The following GABBR2 variants were observed in gnomAD, a reference collection of about 807,000 sequenced individuals.
GABBR2 encodes gamma-aminobutyric acid type B receptor subunit 2, also known as G-protein coupled receptor 51.
In GABBR2, 23 loss-of-function variants were observed where a neutral mutation model predicts 105.6. The observed-to-expected ratio is 0.22, with a 90% confidence interval of 0.16 to 0.31. GABBR2 has a LOEUF of 0.31. GABBR2 is among the 10% of genes least tolerant of loss of function. The pLI is 1.00. For synonymous variants in GABBR2, 478 were observed against 499.7 expected, an observed-to-expected ratio of 0.96 and a Z score of 0.58; for missense variants, 734 against 1,245.5, an observed-to-expected ratio of 0.59 and a Z score of 6.18.
At chr9:98,316,637 C>T (rs904115238) in intron 13 of GABBR2, among the ~76,000 whole-genome samples, 16 of 152,148 alleles carry the variant, frequency 1.1e-4, no homozygotes, top group African/African-American at 3.9e-4. Flanking sequence ...TCCAGTAAGA[C>T]CAGGACAGTT....
At chr9:98,339,319 G>C (rs1177292480) in intron 13 of GABBR2, among the ~76,000 whole-genome samples, 2 of 149,244 alleles carry the variant, frequency 1.3e-5, no homozygotes, top group Admixed American at 1.3e-4. Context: ...AAAAGAAAAA[G>C]ATCCCTCTGT....
At chr9:98,628,741 T>C (rs946769542) in intron 1 of GABBR2, among the ~76,000 whole-genome samples, 1 of 152,168 alleles carries the variant, frequency 6.6e-6, no homozygotes, top group African/African-American at 2.4e-5. Context: ...ATTCTCGAGA[T>C]GTTTTTCCCT....
At chr9:98,395,625 T>C (rs1416643447) in intron 8 of GABBR2, among the ~76,000 whole-genome samples, 1 of 151,954 alleles carries the variant, frequency 6.6e-6, no homozygotes, top group Admixed American at 6.6e-5. Flanking sequence ...GTGGGCATCT[T>C]AGAAGCCAAG....
chr9:98,648,116 T>TGTTTGTATAGATAGATAG, intron 1 of GABBR2, among the ~76,000 whole-genome samples: 2 of 55,948 alleles, frequency 3.6e-5, no homozygotes, highest in Non-Finnish European at 6.8e-5. Context: ...TGTGTGTGTG[T>TGTTTGTATAGATAGATAG]ATAGATAGAT....
intron 7 of GABBR2, among the ~76,000 whole-genome samples, chr9:98,421,903 T>C (rs117652237): frequency 0.016 from 2,507 of 152,292 alleles, 28 homozygotes; most frequent in Non-Finnish European, 0.027. Context: ...GGAATATCTT[T>C]GAAACCCAGA....
rs561490326 is a variant in GABBR2 at position 98,333,179 on chromosome 9, T to C, written c.1894-21974A>G. Among the ~76,000 whole-genome samples the C allele has an allele frequency of 3.9e-5, 6 of 152,226 alleles. No individual in the cohort carries two copies. In the East Asian group the frequency reaches 1.2e-3, roughly 29 times the overall value. On this transcript the variant is annotated intron_variant, in intron 13 of 18. Transcript: ENST00000259455. ...TGCTCTGTATGAGGGCTAACCTTCATCAAGTGCTCTCCAGGTGCTGGGTGT... is the reference window on the plus strand; with the variant it reads ...TGCTCTGTATGAGGGCTAACCTTCACCAAGTGCTCTCCAGGTGCTGGGTGT...
At position 98,471,484 on chromosome 9, in the gene GABBR2, A is replaced by G. The variant is rs1027748309; in HGVS notation, c.999+1662T>C. ...AACATTTCCTCCCAAATACACTACA[A>G]AAAATGATCTTCCTACAATGCACTC... On this transcript the variant is annotated intron_variant, in intron 6 of 18. Coordinates refer to ENST00000259455, the MANE Select transcript of GABBR2 (RefSeq NM_005458.8). Among the ~76,000 whole-genome samples, 6 of 152,380 alleles carry G rather than the reference A, an allele frequency of 3.9e-5. No individual in the cohort carries two copies. The East Asian group carries it at 1.2e-3, about 29-fold the overall frequency.
chr9:98,457,939 A>C (rs1263886013), intron 6 of GABBR2, among the ~76,000 whole-genome samples: 1 of 152,238 alleles, frequency 6.6e-6, no homozygotes, highest in African/African-American at 2.4e-5. Context: ...TCCGAGGTCA[A>C]GTTTATCGTG....
intron 3 of GABBR2, among the ~76,000 whole-genome samples, chr9:98,508,117 T>C (rs1046248597): frequency 2.0e-5 from 3 of 152,180 alleles, no homozygotes; most frequent in African/African-American, 7.2e-5. Context: ...ACACTGGGTA[T>C]TAATAAAACA....
intron 7 of GABBR2, among the ~76,000 whole-genome samples, chr9:98,406,880 C>T (rs1006550277): frequency 3.3e-5 from 5 of 152,154 alleles, no homozygotes; most frequent in Non-Finnish European, 7.3e-5. Context: ...CGATTTATGG[C>T]CCACCTAAAA....
intron 1 of GABBR2, among the ~76,000 whole-genome samples, chr9:98,639,729 C>A (rs1320855656): frequency 6.6e-6 from 1 of 152,140 alleles, no homozygotes; most frequent in African/African-American, 2.4e-5. Flanking sequence ...TCCCAGAGAT[C>A]CAGCTGCTGG....
intron 7 of GABBR2, among the ~76,000 whole-genome samples, chr9:98,422,738 T>C (rs1392251103): frequency 6.6e-6 from 1 of 151,528 alleles, no homozygotes; most frequent in East Asian, 1.9e-4. Context: ...ATTAGGTATA[T>C]CTCCCAATGC....
chr9:98,545,094 T>G (rs1051798717), intron 2 of GABBR2, among the ~76,000 whole-genome samples: 2 of 152,212 alleles, frequency 1.3e-5, no homozygotes, highest in African/African-American at 4.8e-5. Context: ...CTGATGTGAT[T>G]TCTTAATCAC....
chr9:98,672,802 T>A (rs1276197150), intron 1 of GABBR2, among the ~76,000 whole-genome samples: 1 of 152,236 alleles, frequency 6.6e-6, no homozygotes, highest in African/African-American at 2.4e-5. Context: ...TTCGGGCACT[T>A]GATATTCCTT....
chr9:98,537,215 A>T (rs1828198422), intron 3 of GABBR2, among the ~76,000 whole-genome samples: 1 of 152,214 alleles, frequency 6.6e-6, no homozygotes, highest in Non-Finnish European at 1.5e-5. Context: ...TCAGCAGTAG[A>T]AAGAAACAAA....
In GABBR2 at chr9:98,293,727, T is replaced by G. The variant is rs10818743; in HGVS notation, c.2660+58A>C. The G allele has an allele frequency of 0.18, 168,069 of 934,888 alleles. 16,506 individuals are homozygous for G. The highest frequency in any genetic ancestry group is 0.36 in the African/African-American group (21,510 of 58,950). 57.9% of individuals were successfully genotyped at this position (934,888 alleles called of 1,614,324 possible). Reference sequence around the variant, plus strand: ...AAAACATCGTGCAAATTGCAAACTCTTGTGCAGGAGTGACGTATTTCTTCT... The same window carrying G: ...AAAACATCGTGCAAATTGCAAACTCGTGTGCAGGAGTGACGTATTTCTTCT... On this transcript the variant is annotated intron_variant, in intron 18 of 18. Transcript: ENST00000259455.
At chr9:98,658,710 A>C (rs541045351) in intron 1 of GABBR2, among the ~76,000 whole-genome samples, 1 of 152,302 alleles carries the variant, frequency 6.6e-6, no homozygotes, top group Admixed American at 6.5e-5. Context: ...TGTTCAAGTA[A>C]TGCAGAAGGA....
At position 98,396,982 on chromosome 9, in the gene GABBR2, A is replaced by G. The variant is rs181304525; in HGVS notation, c.1298-2727T>C. Reference sequence around the variant, plus strand: ...GCTCATGGCAAACCATGAATTGGGCATAATTCATCCTGGTCTAAAGAGGCA... The same window carrying G: ...GCTCATGGCAAACCATGAATTGGGCGTAATTCATCCTGGTCTAAAGAGGCA... On this transcript the variant is annotated intron_variant, in intron 8 of 18. Coordinates refer to ENST00000259455, the MANE Select transcript of GABBR2 (RefSeq NM_005458.8). 6.2e-4 allele frequency among the ~76,000 whole-genome samples: 94 copies of G among 152,352 alleles called. 1 individual carries two copies. The highest frequency in any genetic ancestry group is 2.1e-3 in the African/African-American group (89 of 41,586).
At chr9:98,692,700 C>T (rs1830698547) in intron 1 of GABBR2, among the ~76,000 whole-genome samples, 1 of 152,178 alleles carries the variant, frequency 6.6e-6, no homozygotes, top group Non-Finnish European at 1.5e-5. Flanking sequence ...CACCCCAGCT[C>T]ACCATGCAGA....
Sources: gnomAD v4.1 joint callset for allele counts (sites outside exome capture counted in the v4.1 genomes callset) on GRCh38, gnomAD v4.1.1 for gene constraint, MANE v1.5 for transcripts, NCBI Gene and HGNC (gene_info 2026-07-23, HGNC 2026-07-21) for gene names.